The following NFASC variants were observed in gnomAD, a reference collection of about 807,000 sequenced individuals.
NFASC encodes the protein neurofascin homolog.
A neutral mutation model predicts 147.5 loss-of-function variants in NFASC; 43 were observed. The observed-to-expected ratio is 0.29, with a 90% CI of 0.23 to 0.38. NFASC has a LOEUF of 0.38. NFASC is among the 10% of genes least tolerant of loss of function. The pLI is 1.00. For synonymous variants in NFASC, 622 were observed against 665.5 expected (o/e 0.93, Z 1.01); for missense variants, 1,320 against 1,689.0 (o/e 0.78, Z 3.83).
chr1:204,886,081 C>T lies in NFASC; in HGVS notation c.-199-34551C>T, dbSNP rs144133671. On this transcript the variant is annotated intron_variant, in intron 1 of 29. Transcript: ENST00000339876. Reference sequence around the variant, plus strand: ...CCTTTTAGAGGGAATTTGATTTCTGCAAGCCGCCTAATCAGGACAATAAGT... The same window carrying T: ...CCTTTTAGAGGGAATTTGATTTCTGTAAGCCGCCTAATCAGGACAATAAGT... Among the ~76,000 whole-genome samples the T allele has an allele frequency of 7.4e-4, 112 of 152,330 alleles. 1 individual carries two copies. The highest frequency in any genetic ancestry group is 3.9e-3 in the South Asian group (19 of 4,828).
At chr1:204,965,874 CAT>C (rs990266335) in intron 8 of NFASC, among the ~76,000 whole-genome samples, 3 of 152,230 alleles carry the variant, frequency 2.0e-5, no homozygotes, top group Non-Finnish European at 4.4e-5. Context: ...GAATCCAAAA[CAT>C]AACTAGCTTG....
At chr1:204,976,275 G>A (rs2095401404) in intron 15 of NFASC, among the ~76,000 whole-genome samples, 1 of 152,190 alleles carries the variant, frequency 6.6e-6, no homozygotes, top group South Asian at 2.1e-4. Flanking sequence ...GAGGAGACAA[G>A]TCTGGGCTGA....
chr1:204,976,645 C>T, intron 15 of NFASC, 26 bp from the exon 16 acceptor site: 2 of 1,584,024 alleles, frequency 1.3e-6, no homozygotes, highest in South Asian at 1.1e-5. Context: ...CCCCCTCCTC[C>T]CAACCCTTCC....
In NFASC at chr1:204,954,327, T is replaced by G. The variant is rs2094311544; in HGVS notation, c.355T>G (p.Phe119Val). ...GGAATATGAGGGGGAATATCAGTGC[T>G]TCGCCCGCAACAAATTTGGCACGGC... Reference protein sequence around the residue: ...PEEYEGEYQCFARNKFGTALS... With the variant: ...PEEYEGEYQCVARNKFGTALS... The change falls in exon 6 of 30, where the codon TTC (phenylalanine) becomes GTC (valine). Residue 119 changes from phenylalanine to valine, a missense_variant. This residue lies in a region of NFASC where 981 missense variants were observed against 1,289.5 expected (regional missense o/e 0.76). Transcript: ENST00000339876. This position sits in a 1 kb window ranked among gnomAD's most constrained non-coding sequence, Gnocchi z 5.7. 6.2e-7 allele frequency: 1 copy of G among 1,614,200 alleles called. No individual in the cohort carries two copies. The highest frequency in any genetic ancestry group is 2.2e-5 in the East Asian group (1 of 44,866).
In NFASC at chr1:204,973,401, G is replaced by C; in HGVS notation, c.1261G>C (p.Ala421Pro). ...SNEHGYLLAN[A>P]FVSVLDVPPR... The stretch of plus-strand genomic sequence containing the variant: ...CGAGCATGGCTACCTGCTGGCCAAC[G>C]CCTTTGTCAGTGTGCTGGGTGAGTG... Residue 421 changes from alanine (A) to proline (P), a missense_variant, in exon 12 of 30, where the codon GCC becomes CCC. Coordinates refer to ENST00000339876, the MANE Select transcript of NFASC (RefSeq NM_001005388.3). 1 of 1,614,236 alleles carries C rather than the reference G, an allele frequency of 6.2e-7. No homozygotes were observed. The highest frequency in any genetic ancestry group is 8.5e-7 in the Non-Finnish European group (1 of 1,180,046).
At chr1:204,953,927 C>G (rs903192715) in intron 5 of NFASC, among the ~76,000 whole-genome samples, 2 of 152,206 alleles carry the variant, frequency 1.3e-5, no homozygotes, top group Non-Finnish European at 2.9e-5. Context: ...CCACGAGTCC[C>G]AGTCTTAGGT....
intron 1 of NFASC, among the ~76,000 whole-genome samples, chr1:204,872,286 C>T (rs1033652449): frequency 1.3e-5 from 2 of 152,210 alleles, no homozygotes; most frequent in Non-Finnish European, 2.9e-5. Context: ...GCCTGAGTGC[C>T]GCAGGGTGAT....
intron 1 of NFASC, among the ~76,000 whole-genome samples, chr1:204,873,125 A>AG (rs1181012187): frequency 6.8e-6 from 1 of 146,854 alleles, no homozygotes; most frequent in Non-Finnish European, 1.5e-5. Flanking sequence ...CCTGACAGTG[A>AG]GGGGGGCTAT....
chr1:204,974,450 C>T, intron 13 of NFASC, 160 bp downstream of exon 13: 1 of 809,654 alleles, frequency 1.2e-6, no homozygotes, highest in Non-Finnish European at 2.0e-6. Flanking sequence ...CCTCATTGTA[C>T]AGAATGGGAA....
chr1:204,972,959 T>C (rs2095302133), intron 11 of NFASC, among the ~76,000 whole-genome samples: 1 of 152,254 alleles, frequency 6.6e-6, no homozygotes, highest in Admixed American at 6.5e-5. Context: ...TAGGAAGTGA[T>C]GTGGTTAGAA....
rs564136657 is a variant in NFASC at position 204,841,078 on chromosome 1, T to C, written c.-200+12296T>C. Among the ~76,000 whole-genome samples the C allele has an allele frequency of 5.3e-5, 8 of 152,318 alleles. No individual in the cohort carries two copies. In the South Asian group the frequency reaches 8.3e-4, roughly 16 times the overall value. On this transcript the variant is annotated intron_variant, in intron 1 of 29. Coordinates refer to ENST00000339876, the MANE Select transcript of NFASC (RefSeq NM_001005388.3). ...CTCTGACTCACGTCCTAACGACCCT[T>C]TGGGGTCTCACTATGTGTGCCTGCA...
chr1:204,832,416 T>G (rs1240829157), intron 1 of NFASC, among the ~76,000 whole-genome samples: 5 of 151,814 alleles, frequency 3.3e-5, no homozygotes. Flanking sequence ...GACTGCAAGG[T>G]TCACACACCT....
chr1:204,899,579 G>T (rs1439584205), intron 1 of NFASC, among the ~76,000 whole-genome samples: 5 of 152,202 alleles, frequency 3.3e-5, no homozygotes, highest in Non-Finnish European at 1.5e-5. Flanking sequence ...TGGCAGAAAT[G>T]GAATCCTTCT....
Position 205,017,262 on chromosome 1 carries a change from T to TATAC in NFASC, c.*723_*724insATAC. On this transcript the variant is annotated 3_prime_UTR_variant, in exon 30 of 30. Coordinates refer to ENST00000339876, the MANE Select transcript of NFASC (RefSeq NM_001005388.3). The stretch of plus-strand genomic sequence containing the variant: ...CCTCCTTGCTGCTCTCTGGTTTGGT[T>TATAC]GGGAGGTGTGTTTACCTCTTGCTCC... 6.3e-6 allele frequency: 1 copy of TATAC among 159,742 alleles called. No homozygotes were observed. The highest frequency in any genetic ancestry group is 5.8e-5 in the Admixed American group (1 of 17,152). The allele number at this position is 159,742 out of a possible 1,614,324, so 9.9% of individuals were successfully genotyped here.
chr1:204,902,681 G>C (rs146608333), intron 1 of NFASC, among the ~76,000 whole-genome samples: 3 of 152,150 alleles, frequency 2.0e-5, no homozygotes, highest in Non-Finnish European at 4.4e-5. Context: ...GTTGAAGTTG[G>C]CTGATGTGCA....
chr1:204,842,373 G>A (rs1026017939), intron 1 of NFASC, among the ~76,000 whole-genome samples: 1 of 152,202 alleles, frequency 6.6e-6, no homozygotes, highest in South Asian at 2.1e-4. Context: ...AGTACAGAGT[G>A]TTTAAGCACT....
chr1:204,889,106 T>C (rs1161133665), intron 1 of NFASC, among the ~76,000 whole-genome samples: 1 of 152,208 alleles, frequency 6.6e-6, no homozygotes, highest in African/African-American at 2.4e-5. Context: ...TGATTCGAGG[T>C]TTCTGCCTGT....
intron 19 of NFASC, 26 bp from the exon 20 acceptor site, chr1:204,980,344 T>C: frequency 6.2e-7 from 1 of 1,605,124 alleles, no homozygotes; most frequent in East Asian, 2.2e-5. Flanking sequence ...AAATTGGACT[T>C]GAGCCTGTGT....
intron 5 of NFASC, among the ~76,000 whole-genome samples, chr1:204,953,033 C>A (rs1318779931): frequency 6.6e-6 from 1 of 152,246 alleles, no homozygotes; most frequent in Non-Finnish European, 1.5e-5. Flanking sequence ...TAATGGTAAC[C>A]TCACTTGCTT....
Sources: gnomAD v4.1 joint callset for allele counts (sites outside exome capture counted in the v4.1 genomes callset) on GRCh38, gnomAD v4.1.1 for gene constraint, gnomAD v4.1.1 regional missense constraint, Gnocchi (gnomAD v3.1) non-coding constraint, MANE v1.5 for transcripts, NCBI Gene and HGNC (gene_info 2026-07-23, HGNC 2026-07-21) for gene names.